ZNF761: variants seen among roughly 807,000 people sequenced by gnomAD.
The protein encoded by ZNF761 is zinc finger protein 761.
ZNF761 carries 43 observed loss-of-function variants against 59.9 expected under a neutral mutation model. The ratio of observed to expected loss-of-function variants is 0.72; its 90% CI spans 0.56 to 0.92. ZNF761 has a LOEUF of 0.92. Among genes scored for constraint, ZNF761 ranks in the 40% least tolerant of loss-of-function variants. The pLI is 0.00. For missense variants in ZNF761, 850 were observed against 906.1 expected, an observed-to-expected ratio of 0.94 and a Z score of 0.79; for synonymous variants, 294 against 304.8, an observed-to-expected ratio of 0.96 and a Z score of 0.37.
At chr19:53,447,663 A>G (rs1473859215) in intron 3 of ZNF761, among the ~76,000 whole-genome samples, 1 of 152,214 alleles carries the variant, frequency 6.6e-6, no homozygotes, top group Admixed American at 6.5e-5. Flanking sequence ...ATTCATGTGC[A>G]CAAAGTATGT....
At chr19:53,434,240 CT>C (rs2086010898) in intron 1 of ZNF761, among the ~76,000 whole-genome samples, 1 of 152,172 alleles carries the variant, frequency 6.6e-6, no homozygotes, top group Non-Finnish European at 1.5e-5. Context: ...AAATCTGTGT[CT>C]TTCTAATCTT....
Position 53,455,403 on chromosome 19 carries a change from A to G in ZNF761, c.896A>G (p.Lys299Arg). ...RRLHTGEKPY[K>R]CEECDKAFHF... ...CTTCATACTGGAGAGAAACCTTACA[A>G]ATGTGAAGAATGTGACAAAGCTTTC... Residue 299 changes from lysine to arginine, a missense_variant, in exon 5 of 5, where the codon AAA becomes AGA. Lys to Arg is a conservative substitution (Grantham distance 26). Coordinates refer to ENST00000684525, the MANE Select transcript of ZNF761 (RefSeq NM_001289951.2). The G allele has an allele frequency of 3.1e-6, 5 of 1,614,008 alleles. No individual in the cohort carries two copies. Among genetic ancestry groups the G allele is most frequent in the Non-Finnish European group, 3.4e-6 (4 of 1,180,006 alleles).
At position 53,457,401 on chromosome 19, in the gene ZNF761, GAA is replaced by G. The variant is rs1172664041; in HGVS notation, c.*655_*656del. The G allele has an allele frequency of 7.5e-6, 3 of 401,064 alleles. No individual in the cohort carries two copies. The highest frequency in any genetic ancestry group is 1.5e-5 in the Non-Finnish European group (3 of 199,910). 24.8% of individuals were successfully genotyped at this position (401,064 alleles called of 1,614,324 possible). A position where few individuals can be genotyped will look rare whatever the true frequency, so the allele number is the denominator to read the frequency against. ...AACATAGGAGAATTCATACAGGAGAGAAACCTCACATGTGTGATGATAGTGGC... is the reference window on the plus strand; with the variant it reads ...AACATAGGAGAATTCATACAGGAGAGACCTCACATGTGTGATGATAGTGGC... On this transcript the variant is annotated 3_prime_UTR_variant, in exon 5 of 5. Coordinates refer to ENST00000684525, the MANE Select transcript of ZNF761 (RefSeq NM_001289951.2).
chr19:53,452,325 A>T (rs1204584286), intron 4 of ZNF761, among the ~76,000 whole-genome samples: 1 of 152,184 alleles, frequency 6.6e-6, no homozygotes, highest in Admixed American at 6.5e-5. Flanking sequence ...TCTACCAAAA[A>T]TACAAAAATT....
At position 53,454,766 on chromosome 19, in the gene ZNF761, T is replaced by C. The variant is rs376099451; in HGVS notation, c.259T>C (p.Tyr87His). ...HESHHNGDFCYQDVDKDIHDY... is the reference protein window; with the variant it reads ...HESHHNGDFCHQDVDKDIHDY... ...AAGTCATCACAATGGAGATTTTTGC[T>C]ACCAGGATGTTGATAAAGATATTCA... The change falls in exon 5 of 5, where the codon TAC becomes CAC. Residue 87 changes from tyrosine to histidine, a missense_variant. Transcript: ENST00000684525. 12 of 1,614,026 alleles carry C rather than the reference T, an allele frequency of 7.4e-6. No homozygotes were observed. The African/African-American group carries it at 1.5e-4, about 20-fold the overall frequency.
chr19:53,433,837 C>G (rs1343788042), intron 1 of ZNF761, among the ~76,000 whole-genome samples: 1 of 152,122 alleles, frequency 6.6e-6, no homozygotes, highest in Admixed American at 6.5e-5. Context: ...GGAGGAAAAC[C>G]AGCCTCTAAA....
chr19:53,440,956 A>C (rs1178072060), intron 1 of ZNF761, among the ~76,000 whole-genome samples: 1 of 152,188 alleles, frequency 6.6e-6, no homozygotes, highest in African/African-American at 2.4e-5. Flanking sequence ...GATTACAAGG[A>C]TAAGCCACCA....
chr19:53,446,224 CA>C lies in ZNF761; in HGVS notation c.-184-2del, dbSNP rs1288429255. 2.0e-5 allele frequency: 3 copies of C among 152,150 alleles called. No homozygotes were observed. The highest frequency in any genetic ancestry group is 2.9e-5 in the Non-Finnish European group (2 of 68,284). 9.4% of individuals were successfully genotyped at this position (152,150 alleles called of 1,614,324 possible). On this transcript the variant is annotated splice_acceptor_variant, in intron 1 of 4. Transcript: ENST00000684525. LOFTEE classifies it low-confidence loss of function (5UTR_SPLICE). Reference sequence around the variant, plus strand: ...AATTTTTTTTTCTTTTTTTTGGAGACAGAGTATTGCCCGGGCTGTGAGTGCA... The same window carrying C: ...AATTTTTTTTTCTTTTTTTTGGAGACGAGTATTGCCCGGGCTGTGAGTGCA...
At chr19:53,441,328 G>A (rs557803758) in intron 1 of ZNF761, among the ~76,000 whole-genome samples, 6 of 152,068 alleles carry the variant, frequency 3.9e-5, no homozygotes, top group African/African-American at 1.4e-4. Context: ...GACATCAAAA[G>A]TGCTTTTGTT....
At chr19:53,451,231 A>G (rs10413114) in intron 4 of ZNF761, among the ~76,000 whole-genome samples, 25,777 of 152,130 alleles carry the variant, frequency 0.17, 2,215 homozygotes, top group Non-Finnish European at 0.19. Flanking sequence ...TGTTGATGAG[A>G]TGAAGTTTTG....
intron 1 of ZNF761, among the ~76,000 whole-genome samples, chr19:53,433,044 AGGGGGGTATAAC>A (rs1427333281): frequency 0.48 from 58,450 of 122,838 alleles, 11,042 homozygotes; most frequent in African/African-American, 0.59. Context: ...GAGTGGGGAC[AGGGGGGTATAAC>A]AGGGAAGAGA....
intron 1 of ZNF761, chr19:53,442,213 T>C (rs2086108348): frequency 8.8e-7 from 1 of 1,138,392 alleles, no homozygotes; most frequent in African/African-American, 1.5e-5. Flanking sequence ...GCTAAGCACA[T>C]TGCAGATGAG....
In ZNF761 at chr19:53,456,250, AGAT is replaced by A; in HGVS notation, c.1744_1746del (p.Asp582del). ...GTGGAGAGAACCCTTACAAATGTGA[AGAT>A]AGTGACAAAGCTTACAGTTTCAAAT... is the stretch of plus-strand genomic sequence containing the variant. On this transcript the variant is annotated inframe_deletion, in exon 5 of 5. Transcript: ENST00000684525. 6.2e-7 allele frequency: 1 copy of A among 1,613,962 alleles called. No homozygotes were observed. Among genetic ancestry groups the A allele is most frequent in the South Asian group, 1.1e-5 (1 of 91,064 alleles).
chr19:53,452,928 T>G (rs1291399133), intron 4 of ZNF761, among the ~76,000 whole-genome samples: 3 of 152,208 alleles, frequency 2.0e-5, no homozygotes, highest in Non-Finnish European at 4.4e-5. Flanking sequence ...CATCATATTT[T>G]TTATGTTTTT....
At position 53,455,968 on chromosome 19, in the gene ZNF761, T is replaced by G; in HGVS notation, c.1461T>G (p.Ile487Met). 6.2e-7 allele frequency: 1 copy of G among 1,613,526 alleles called. No individual in the cohort carries two copies. The highest frequency in any genetic ancestry group is 8.5e-7 in the Non-Finnish European group (1 of 1,179,872). ...FKSNLERHRR[I>M]HTGEKPYKCN... ...CAAACCTTGAAAGACATAGGAGAAT[T>G]CATACTGGAGAGAAACCATACAAGT... Residue 487 changes from isoleucine to methionine, a missense_variant, in exon 5 of 5, where the codon ATT (isoleucine) becomes ATG (methionine). Ile to Met is a conservative substitution (Grantham distance 10). Coordinates refer to ENST00000684525, the MANE Select transcript of ZNF761 (RefSeq NM_001289951.2).
At chr19:53,432,911 T>C in intron 1 of ZNF761, among the ~76,000 whole-genome samples, 1 of 151,424 alleles carries the variant, frequency 6.6e-6, no homozygotes, top group Non-Finnish European at 1.5e-5. Context: ...GGGAGGCTCA[T>C]CAGGGTGAGG....
intron 4 of ZNF761, among the ~76,000 whole-genome samples, chr19:53,452,823 T>C (rs1298393221): frequency 1.3e-5 from 2 of 152,250 alleles, no homozygotes; most frequent in Non-Finnish European, 2.9e-5. Context: ...GTGACCAAAT[T>C]GTCTCAAAGG....
chr19:53,444,324 A>G (rs1330249929), intron 1 of ZNF761: 7 of 152,180 alleles, frequency 4.6e-5, no homozygotes, highest in South Asian at 4.1e-4. Context: ...TGTACATTCT[A>G]TTTACTGAGA....
chr19:53,433,230 G>T (rs1568796418), intron 1 of ZNF761, among the ~76,000 whole-genome samples: 4 of 152,104 alleles, frequency 2.6e-5, no homozygotes, highest in South Asian at 4.1e-4. Context: ...ACGGAGTGGG[G>T]TTTTTTGCTT....
Sources: gnomAD v4.1 joint callset for allele counts (sites outside exome capture counted in the v4.1 genomes callset) on GRCh38, gnomAD v4.1.1 for gene constraint, MANE v1.5 for transcripts, NCBI Gene and HGNC (gene_info 2026-07-23, HGNC 2026-07-21) for gene names.